Variants in PACS1 observed in about 807,000 individuals in gnomAD.
PACS1 encodes phosphofurin acidic cluster sorting protein 1, also known as PACS-1.
In PACS1, 24 loss-of-function variants were observed where a neutral mutation model predicts 115.0. The ratio of observed to expected loss-of-function variants is 0.21; its 90% CI spans 0.15 to 0.29. PACS1 has a LOEUF of 0.29. PACS1 is among the 10% of genes least tolerant of loss of function. The pLI is 1.00. For missense variants in PACS1, 838 were observed against 1,251.2 expected (o/e 0.67, Z 4.98); for synonymous variants, 453 against 504.5 (o/e 0.90, Z 1.37).
chr11:66,231,515 C>T (rs982247981), intron 13 of PACS1, among the ~76,000 whole-genome samples: 1 of 152,164 alleles, frequency 6.6e-6, no homozygotes, highest in African/African-American at 2.4e-5. Context: ...GGGATTTTCC[C>T]GGCACACCTT....
chr11:66,153,786 A>G (rs1014733184), intron 1 of PACS1, among the ~76,000 whole-genome samples: 1 of 152,158 alleles, frequency 6.6e-6, no homozygotes, highest in Admixed American at 6.5e-5. Flanking sequence ...CTCAAAACAA[A>G]CAAACAAAAA....
intron 1 of PACS1, among the ~76,000 whole-genome samples, chr11:66,136,698 G>A (rs1041567604): frequency 1.3e-5 from 2 of 152,180 alleles, no homozygotes; most frequent in South Asian, 2.1e-4. Context: ...TGCTTCCACT[G>A]AACAAGAATT....
chr11:66,188,389 A>G lies in PACS1; in HGVS notation c.357-5097A>G, dbSNP rs190047201. 2.0e-5 allele frequency among the ~76,000 whole-genome samples: 3 copies of G among 152,126 alleles called. No homozygotes were observed. In the East Asian group the frequency reaches 5.8e-4, roughly 29 times the overall value. The stretch of plus-strand genomic sequence containing the variant: ...GAGCTGGTTATAGGAGTAGACACAC[A>G]CAAACACACACACATATATGTAAAA... On this transcript the variant is annotated intron_variant, in intron 1 of 23. Coordinates refer to ENST00000320580, the MANE Select transcript of PACS1 (RefSeq NM_018026.4).
chr11:66,227,125 G>T (rs1405089030), intron 10 of PACS1, among the ~76,000 whole-genome samples: 1 of 152,154 alleles, frequency 6.6e-6, no homozygotes, highest in Non-Finnish European at 1.5e-5. Context: ...CCTTTCTCTG[G>T]CAAGCAAAGG....
chr11:66,138,349 G>C (rs1858896379), intron 1 of PACS1, among the ~76,000 whole-genome samples: 1 of 152,066 alleles, frequency 6.6e-6, no homozygotes, highest in African/African-American at 2.4e-5. Flanking sequence ...CCCAAAGTGG[G>C]ATTACAGGGT....
rs73489985 is a variant in PACS1 at position 66,129,096 on chromosome 11, A to G, written c.356+58254A>G. On this transcript the variant is annotated intron_variant, in intron 1 of 23. Transcript: ENST00000320580. ...CATTTAAATGTGTGTATTTTATTGT[A>G]TGTAAATTATACTGTAATGTCAATT... Among the ~76,000 whole-genome samples, 1,362 of 152,112 alleles carry G rather than the reference A, an allele frequency of 9.0e-3. 19 individuals are homozygous for G. Among genetic ancestry groups the G allele is most frequent in the African/African-American group, 0.031 (1,276 of 41,486 alleles).
chr11:66,135,881 T>C (rs904491854), intron 1 of PACS1, among the ~76,000 whole-genome samples: 2 of 152,064 alleles, frequency 1.3e-5, no homozygotes, highest in Non-Finnish European at 2.9e-5. Flanking sequence ...GGTCTCGAAC[T>C]CCTGACCTCA....
chr11:66,228,725 G>T (rs563611278), intron 11 of PACS1, among the ~76,000 whole-genome samples: 3 of 152,300 alleles, frequency 2.0e-5, no homozygotes, highest in East Asian at 3.9e-4. Flanking sequence ...GGTGACGTCA[G>T]CATACCTGTT....
intron 1 of PACS1, among the ~76,000 whole-genome samples, chr11:66,114,622 A>G (rs188154423): frequency 1.3e-5 from 2 of 152,234 alleles, no homozygotes; most frequent in Non-Finnish European, 2.9e-5. Flanking sequence ...TTGTGTTTTT[A>G]GGGTCTTTCA....
intron 1 of PACS1, among the ~76,000 whole-genome samples, chr11:66,087,778 C>A (rs960122228): frequency 3.9e-5 from 6 of 152,164 alleles, no homozygotes; most frequent in African/African-American, 1.4e-4. Context: ...CCAAAGCACT[C>A]ATTTCTCTGC....
At chr11:66,192,372 T>C (rs1296814441) in intron 1 of PACS1, among the ~76,000 whole-genome samples, 3 of 152,176 alleles carry the variant, frequency 2.0e-5, no homozygotes, top group South Asian at 4.1e-4. Flanking sequence ...GAAGTTCTCC[T>C]GGCAAAAATG....
chr11:66,228,589 T>C (rs954708672), intron 11 of PACS1, among the ~76,000 whole-genome samples: 2 of 152,186 alleles, frequency 1.3e-5, no homozygotes, highest in Non-Finnish European at 2.9e-5. Flanking sequence ...ATTAAAACTC[T>C]TCAGTGATTG....
chr11:66,109,174 G>C (rs1381278831), intron 1 of PACS1, among the ~76,000 whole-genome samples: 1 of 152,136 alleles, frequency 6.6e-6, no homozygotes, highest in South Asian at 2.1e-4. Context: ...GGGATATCCC[G>C]TACCCTCCAC....
chr11:66,106,506 G>T (rs143678568), intron 1 of PACS1, among the ~76,000 whole-genome samples: 14 of 152,258 alleles, frequency 9.2e-5, no homozygotes, highest in Non-Finnish European at 1.0e-4. Context: ...CGGGGAGGTT[G>T]CAGTGAGCTG....
intron 1 of PACS1, among the ~76,000 whole-genome samples, chr11:66,129,847 C>A (rs1288081389): frequency 2.0e-5 from 3 of 152,074 alleles, no homozygotes; most frequent in Non-Finnish European, 4.4e-5. Flanking sequence ...TGTCTGCCAT[C>A]CAAAAGGACA....
Position 66,241,481 on chromosome 11 carries a change from G to T in PACS1, c.2484G>T (p.Leu828=). 2 of 1,612,190 alleles carry T rather than the reference G, an allele frequency of 1.2e-6. No homozygotes were observed. The highest frequency in any genetic ancestry group is 1.7e-6 in the Non-Finnish European group (2 of 1,179,202). The change falls in exon 22 of 24, where the codon CTG becomes CTT. Residue 828 remains leucine, a synonymous_variant. Transcript: ENST00000320580. ...TTGGCCTCCAGGTGGACTACTGGCT[G>T]GGCCACCCCGGGGAGCGGAGGAGGG... ...DVIGLQVDYW[L]GHPGERRREG...
At chr11:66,150,018 G>A (rs1016289349) in intron 1 of PACS1, among the ~76,000 whole-genome samples, 11 of 152,014 alleles carry the variant, frequency 7.2e-5, no homozygotes, top group African/African-American at 1.2e-4. Flanking sequence ...CAAAGTGCTG[G>A]GATTACAGGC....
intron 1 of PACS1, among the ~76,000 whole-genome samples, chr11:66,072,544 T>C (rs1208494564): frequency 2.0e-5 from 3 of 152,124 alleles, no homozygotes; most frequent in Admixed American, 1.3e-4. Context: ...CTCTGTCCTT[T>C]CTCTAGGGAA....
chr11:66,220,230 C>T (rs1201608976), intron 8 of PACS1: 3 of 286,408 alleles, frequency 1.0e-5, no homozygotes, highest in Non-Finnish European at 2.0e-5. Flanking sequence ...GCAGTCTTTT[C>T]CCTGGGCTCC....
Sources: allele counts gnomAD v4.1 joint callset (sites outside exome capture counted in the v4.1 genomes callset), GRCh38; gene constraint gnomAD v4.1.1; transcripts MANE v1.5; gene names NCBI Gene and HGNC (gene_info 2026-07-23, HGNC 2026-07-21).